The following KCNAB1 variants were observed in gnomAD, a reference collection of about 807,000 sequenced individuals.
KCNAB1 encodes the protein potassium voltage-gated channel subfamily A regulatory beta subunit 1, also known as voltage-gated potassium channel subunit beta-1.
KCNAB1 carries 35 observed loss-of-function variants against 64.6 expected under a neutral mutation model. The ratio of observed to expected loss-of-function variants is 0.54; its 90% CI spans 0.41 to 0.72. KCNAB1 has a LOEUF of 0.72. KCNAB1 is among the 30% of genes least tolerant of loss of function. KCNAB1 has a pLI of 0.00. For synonymous variants in KCNAB1, 177 were observed against 183.8 expected (o/e 0.96, Z 0.30); for missense variants, 401 against 512.9 (o/e 0.78, Z 2.11).
intron 5 of KCNAB1, among the ~76,000 whole-genome samples, chr3:156,460,841 A>G (rs575467012): frequency 2.5e-4 from 38 of 152,292 alleles, no homozygotes; most frequent in African/African-American, 9.1e-4. Context: ...AAGCAAAACT[A>G]AGAAGGTGAA....
intron 1 of KCNAB1, among the ~76,000 whole-genome samples, chr3:156,149,352 T>G (rs1715250936): frequency 6.6e-6 from 1 of 152,040 alleles, no homozygotes; most frequent in African/African-American, 2.4e-5. Flanking sequence ...GCATGGTACA[T>G]TACTACGGAC....
chr3:156,501,422 CTTTTTTTTTTTT>C (rs34628325), intron 8 of KCNAB1, among the ~76,000 whole-genome samples: 15 of 82,574 alleles, frequency 1.8e-4, no homozygotes, highest in South Asian at 5.7e-4. Context: ...GACTTAGTAC[CTTTTTTTTTTTT>C]TTTTTTTTTT....
chr3:156,432,872 A>T (rs2122418), intron 2 of KCNAB1, among the ~76,000 whole-genome samples: 5 of 151,876 alleles, frequency 3.3e-5, no homozygotes, highest in South Asian at 2.1e-4. Flanking sequence ...TCGTTACCTA[A>T]CCCCACCATT....
chr3:156,218,801 A>AAAAT lies in KCNAB1; in HGVS notation c.275+97917_275+97918insATAA, dbSNP rs371264941. On this transcript the variant is annotated intron_variant, in intron 1 of 13. Coordinates refer to ENST00000490337, the MANE Select transcript of KCNAB1 (RefSeq NM_172160.3). Reference sequence around the variant, plus strand: ...CCCAGAACAGCAAAAAAAAAAAAAAAAATAATAATAAAATAAAATAAAAAT... The same window carrying AAAAT: ...CCCAGAACAGCAAAAAAAAAAAAAAAAAATAATAATAATAAAATAAAATAAAAAT... Among the ~76,000 whole-genome samples the AAAAT allele has an allele frequency of 7.2e-3, 809 of 112,196 alleles. 17 individuals carry two copies. The highest frequency in any genetic ancestry group is 0.024 in the African/African-American group (687 of 28,554). The allele number at this position is 112,196 out of a possible 152,430, so 73.6% of individuals were successfully genotyped here.
chr3:156,335,483 T>C (rs1723627102), intron 1 of KCNAB1, among the ~76,000 whole-genome samples: 1 of 152,208 alleles, frequency 6.6e-6, no homozygotes, highest in Admixed American at 6.6e-5. Context: ...TGACTGTGAG[T>C]TCCTTGCCAT....
intron 1 of KCNAB1, among the ~76,000 whole-genome samples, chr3:156,392,948 A>T (rs1167150324): frequency 6.6e-6 from 1 of 152,232 alleles, no homozygotes; most frequent in Non-Finnish European, 1.5e-5. Flanking sequence ...TAGTATTAAT[A>T]TCAAGGTTAT....
chr3:156,474,692 C>A, intron 7 of KCNAB1, 42 bp from the exon 8 acceptor site: 1 of 1,388,254 alleles, frequency 7.2e-7, no homozygotes, highest in South Asian at 1.2e-5. Context: ...GAATAGTGCT[C>A]ATATTTAGAT....
intron 1 of KCNAB1, among the ~76,000 whole-genome samples, chr3:156,145,904 GA>G (rs1398439470): frequency 5.4e-5 from 8 of 147,472 alleles, no homozygotes; most frequent in South Asian, 2.2e-4. Flanking sequence ...TTCTCAAAAG[GA>G]AAAAAAAAAG....
At chr3:156,295,638 G>A (rs983697163) in intron 1 of KCNAB1, among the ~76,000 whole-genome samples, 2 of 152,154 alleles carry the variant, frequency 1.3e-5, no homozygotes, top group African/African-American at 4.8e-5. Context: ...CAGCCCAAGA[G>A]AACAAGATTC....
At position 156,246,644 on chromosome 3, in the gene KCNAB1, A is replaced by G. The variant is rs1042237629; in HGVS notation, c.275+125758A>G. ...AATAAAAAAAAGCAGCAAAAAAAAA[A>G]AAAAAACCCAACATTTTATGTTAGT... On this transcript the variant is annotated intron_variant, in intron 1 of 13. Transcript: ENST00000490337. 6.0e-4 allele frequency among the ~76,000 whole-genome samples: 91 copies of G among 152,122 alleles called. 1 individual carries two copies. The highest frequency in any genetic ancestry group is 2.0e-3 in the African/African-American group (84 of 41,532).
chr3:156,266,355 C>T (rs2648429), intron 1 of KCNAB1, among the ~76,000 whole-genome samples: 151,386 of 152,346 alleles, frequency 0.99, 75,214 homozygotes, highest in East Asian at 1. Context: ...ACGTAGAAAT[C>T]TTAACATAAT....
At chr3:156,515,392 A>T (rs973554105) in intron 10 of KCNAB1, among the ~76,000 whole-genome samples, 172 bp downstream of exon 10, 5 of 152,182 alleles carry the variant, frequency 3.3e-5, no homozygotes, top group Non-Finnish European at 5.9e-5. Flanking sequence ...ATGTAGCAGA[A>T]TCTGCATTTA....
In KCNAB1 at chr3:156,532,719, C is replaced by T. The variant is rs190049078; in HGVS notation, c.1170+1222C>T. On this transcript the variant is annotated intron_variant, in intron 13 of 13. Coordinates refer to ENST00000490337, the MANE Select transcript of KCNAB1 (RefSeq NM_172160.3). Reference sequence around the variant, plus strand: ...TTCTAACAACTCCCATATCCAGCCCCATAACTCCTACTGGATTCTGTGAGG... The same window carrying T: ...TTCTAACAACTCCCATATCCAGCCCTATAACTCCTACTGGATTCTGTGAGG... Among the ~76,000 whole-genome samples, 248 of 152,308 alleles carry T rather than the reference C, an allele frequency of 1.6e-3. 5 individuals carry two copies. The highest frequency in any genetic ancestry group is 2.1e-3 in the Non-Finnish European group (144 of 68,024).
chr3:156,348,318 C>A (rs1315055610), intron 1 of KCNAB1, among the ~76,000 whole-genome samples: 1 of 152,192 alleles, frequency 6.6e-6, no homozygotes, highest in Non-Finnish European at 1.5e-5. Flanking sequence ...GCAGAAGAAG[C>A]AGACCAGCAA....
chr3:156,244,175 G>A (rs548665046), intron 1 of KCNAB1, among the ~76,000 whole-genome samples: 2 of 152,178 alleles, frequency 1.3e-5, no homozygotes, highest in African/African-American at 2.4e-5. Flanking sequence ...GTCTAAAACC[G>A]AAGTGTCTCC....
intron 2 of KCNAB1, among the ~76,000 whole-genome samples, chr3:156,435,093 G>A (rs1716498235): frequency 6.6e-6 from 1 of 152,220 alleles, no homozygotes; most frequent in Non-Finnish European, 1.5e-5. Flanking sequence ...ACACCTACCT[G>A]AGAGTGAGGG....
intron 1 of KCNAB1, among the ~76,000 whole-genome samples, chr3:156,161,751 G>T (rs2108310804): frequency 6.6e-6 from 1 of 152,290 alleles, no homozygotes; most frequent in African/African-American, 2.4e-5. Flanking sequence ...ATAACTGGTT[G>T]TTGACTTGTC....
intron 1 of KCNAB1, among the ~76,000 whole-genome samples, chr3:156,331,559 A>G (rs186285033): frequency 6.6e-6 from 1 of 152,358 alleles, no homozygotes; most frequent in East Asian, 1.9e-4. Context: ...ATAATTTTAC[A>G]TAAATGAGGG....
At chr3:156,276,999 A>T (rs945304609) in intron 1 of KCNAB1, among the ~76,000 whole-genome samples, 1 of 152,120 alleles carries the variant, frequency 6.6e-6, no homozygotes, top group Non-Finnish European at 1.5e-5. Flanking sequence ...TGCCTTCTTC[A>T]CTAAGCTTAA....
Sources: gnomAD v4.1 joint callset for allele counts (sites outside exome capture counted in the v4.1 genomes callset) on GRCh38, gnomAD v4.1.1 for gene constraint, MANE v1.5 for transcripts, NCBI Gene and HGNC (gene_info 2026-07-23, HGNC 2026-07-21) for gene names.